Variants in SRD5A2 observed in about 807,000 individuals in gnomAD.
SRD5A2 encodes the protein 3-oxo-5-alpha-steroid 4-dehydrogenase 2.
A neutral mutation model predicts 27.4 loss-of-function variants in SRD5A2; 30 were observed. The ratio of observed to expected loss-of-function variants is 1.10; its 90% CI spans 0.82 to 1.49. SRD5A2 has a LOEUF of 1.49. Ranked by LOEUF, SRD5A2 falls within the 40% of genes most tolerant of loss-of-function variation. The pLI is 0.00. For synonymous variants in SRD5A2, 141 were observed against 133.6 expected (o/e 1.06, Z -0.38); for missense variants, 348 against 323.4 (o/e 1.08, Z -0.58).
chr2:31,584,663 C>G (rs1270845299), upstream of SRD5A2, among the ~76,000 whole-genome samples: 1 of 152,184 alleles, frequency 6.6e-6, no homozygotes, highest in Non-Finnish European at 1.5e-5. Flanking sequence ...ACTATACTTA[C>G]AACTACAGTT....
chr2:31,565,565 T>G (rs991442839), intron 1 of SRD5A2, among the ~76,000 whole-genome samples: 2 of 151,922 alleles, frequency 1.3e-5, no homozygotes, highest in African/African-American at 4.8e-5. Context: ...GTGGCTAAGT[T>G]AATATAAGAC....
intron 1 of SRD5A2, among the ~76,000 whole-genome samples, chr2:31,545,993 T>C (rs1666244760): frequency 6.6e-6 from 1 of 152,086 alleles, no homozygotes; most frequent in African/African-American, 2.4e-5. Context: ...TACTTAGGAA[T>C]TAACTAAAGA....
chr2:31,652,055 C>T, the SRD5A2 span, among the ~76,000 whole-genome samples: 12 of 152,274 alleles, frequency 7.9e-5, no homozygotes, highest in East Asian at 7.7e-4. Flanking sequence ...GCCTCCAGGA[C>T]GGAGGCAATC....
At chr2:31,638,571 C>A in the SRD5A2 span, among the ~76,000 whole-genome samples, 2 of 151,904 alleles carry the variant, frequency 1.3e-5, no homozygotes, top group Admixed American at 6.6e-5. Context: ...CCTTTTAGAC[C>A]TATTAATGTT....
intron 1 of SRD5A2, among the ~76,000 whole-genome samples, chr2:31,543,443 C>T (rs190430539): frequency 1.4e-4 from 22 of 152,214 alleles, no homozygotes; most frequent in Non-Finnish European, 2.5e-4. Context: ...GTGTTCTGTA[C>T]ATGATTTAAG....
chr2:31,592,847 T>G, the SRD5A2 span, among the ~76,000 whole-genome samples: 5 of 152,192 alleles, frequency 3.3e-5, no homozygotes, highest in Admixed American at 3.3e-4. Flanking sequence ...GTCTTTGAAT[T>G]ACCAGATAAA....
the SRD5A2 span, among the ~76,000 whole-genome samples, chr2:31,641,788 A>G: frequency 6.6e-6 from 1 of 152,102 alleles, no homozygotes; most frequent in African/African-American, 2.4e-5. Context: ...GAAAAAAACA[A>G]CACTCTTTGG....
At chr2:31,596,810 G>A in the SRD5A2 span, among the ~76,000 whole-genome samples, 5 of 152,020 alleles carry the variant, frequency 3.3e-5, no homozygotes, top group African/African-American at 7.2e-5. Flanking sequence ...CCTCTACAAG[G>A]AAAGCTATGA....
At chr2:31,627,219 C>A in the SRD5A2 span, among the ~76,000 whole-genome samples, 1 of 150,624 alleles carries the variant, frequency 6.6e-6, no homozygotes, top group Non-Finnish European at 1.5e-5. Flanking sequence ...CTTTATGTAC[C>A]CATTTCTTCT....
chr2:31,611,351 C>T, the SRD5A2 span, among the ~76,000 whole-genome samples: 1 of 152,132 alleles, frequency 6.6e-6, no homozygotes. Flanking sequence ...AACTGCAGCA[C>T]TGTCAAAATA....
the SRD5A2 span, among the ~76,000 whole-genome samples, chr2:31,590,189 C>T: frequency 5.2e-5 from 7 of 134,336 alleles, no homozygotes; most frequent in African/African-American, 1.9e-4. Context: ...TTTTCTCTAC[C>T]CACCCTGGCA....
the SRD5A2 span, among the ~76,000 whole-genome samples, chr2:31,624,095 T>A: frequency 6.6e-6 from 1 of 152,080 alleles, no homozygotes; most frequent in Non-Finnish European, 1.5e-5. Flanking sequence ...TTTTTAATTT[T>A]TTAATTTTTG....
chr2:31,605,081 G>A, the SRD5A2 span, among the ~76,000 whole-genome samples: 462 of 151,912 alleles, frequency 3.0e-3, 4 homozygotes, highest in African/African-American at 0.011. Context: ...AATGGTGTTG[G>A]GAAAACTGAA....
the SRD5A2 span, among the ~76,000 whole-genome samples, chr2:31,639,375 A>G: frequency 6.6e-6 from 1 of 152,080 alleles, no homozygotes; most frequent in South Asian, 2.1e-4. Flanking sequence ...GGAATTGCAT[A>G]CCACAAAAAC....
the SRD5A2 span, among the ~76,000 whole-genome samples, chr2:31,601,462 T>C: frequency 6.6e-6 from 1 of 151,936 alleles, no homozygotes; most frequent in Admixed American, 6.6e-5. Flanking sequence ...GCCAGACAGA[T>C]TCACAGCTTA....
At chr2:31,577,366 C>G (rs1666980877) in intron 1 of SRD5A2, among the ~76,000 whole-genome samples, 1 of 151,960 alleles carries the variant, frequency 6.6e-6, no homozygotes, top group South Asian at 2.1e-4. Context: ...CAAGTAATTG[C>G]TAGCTCTCCT....
At chr2:31,657,063 C>T in the SRD5A2 span, among the ~76,000 whole-genome samples, 1 of 152,148 alleles carries the variant, frequency 6.6e-6, no homozygotes, top group Non-Finnish European at 1.5e-5. Context: ...CCTGATGAGA[C>T]AGGACAACTA....
At chr2:31,529,234 CT>C (rs1665849603) in intron 4 of SRD5A2, 72 bp downstream of exon 4, 1 of 1,575,870 alleles carries the variant, frequency 6.3e-7, no homozygotes, top group Non-Finnish European at 8.6e-7. Context: ...CTCAATCTTC[CT>C]CTGCGGGTTA....
the SRD5A2 span, among the ~76,000 whole-genome samples, chr2:31,588,260 C>G: frequency 6.6e-6 from 1 of 152,012 alleles, no homozygotes; most frequent in East Asian, 1.9e-4. Flanking sequence ...TATTCAAGTA[C>G]AAGAAGGTTA....
Sources: allele counts gnomAD v4.1 joint callset (sites outside exome capture counted in the v4.1 genomes callset), GRCh38; gene constraint gnomAD v4.1.1; transcripts MANE v1.5; gene names NCBI Gene and HGNC (gene_info 2026-07-23, HGNC 2026-07-21).